Variants in ABCC4 observed in about 807,000 individuals in gnomAD.
ABCC4 encodes ATP binding cassette subfamily C member 4 (PEL blood group).
A neutral mutation model predicts 168.5 loss-of-function variants in ABCC4; 102 were observed. The observed-to-expected ratio is 0.61, with a 90% CI of 0.52 to 0.71. The LOEUF is 0.71. ABCC4 is among the 30% of genes least tolerant of loss of function. The pLI, the probability that ABCC4 is intolerant of heterozygous loss-of-function variation, is 0.00. For missense variants in ABCC4, 1,402 were observed against 1,605.8 expected (o/e 0.87, Z 2.17); for synonymous variants, 617 against 590.7 (o/e 1.04, Z -0.65).
At chr13:95,036,121 T>C (rs1249437437) in intron 29 of ABCC4, among the ~76,000 whole-genome samples, 2 of 152,174 alleles carry the variant, frequency 1.3e-5, no homozygotes, top group African/African-American at 4.8e-5. Flanking sequence ...TACTTAAGCA[T>C]AGCATTACAG....
chr13:95,120,797 T>G (rs1422562724), intron 19 of ABCC4, among the ~76,000 whole-genome samples: 3 of 152,106 alleles, frequency 2.0e-5, no homozygotes, highest in Non-Finnish European at 4.4e-5. Flanking sequence ...GTCGAGAGAA[T>G]TGACCTGTGC....
rs1051614406 is a variant in ABCC4, at chr13:95,177,894, G to C, written c.1641-101C>G. ...TGCCAACAGAATAACCCAAGAAGGT[G>C]CTTCACACAGGACGCAATACACAGT... is the stretch of plus-strand genomic sequence containing the variant. On this transcript the variant is annotated intron_variant, in intron 12 of 30. Transcript: ENST00000645237. 4 of 1,489,362 alleles carry C rather than the reference G, an allele frequency of 2.7e-6. No individual in the cohort carries two copies. The African/African-American group carries it at 5.5e-5, about 21-fold the overall frequency. 92.3% of individuals were successfully genotyped at this position (1,489,362 alleles called of 1,614,324 possible). A position where few individuals can be genotyped will look rare whatever the true frequency, so the allele number is the denominator to read the frequency against.
At chr13:95,124,810 G>A (rs112607576) in intron 19 of ABCC4, among the ~76,000 whole-genome samples, 7,866 of 150,048 alleles carry the variant, frequency 0.052, 240 homozygotes, top group Middle Eastern at 0.093. Flanking sequence ...CCTGGGAGGC[G>A]GAAGCTGCAG....
At chr13:95,208,911 C>T (rs528008100) in intron 6 of ABCC4, among the ~76,000 whole-genome samples, 2 of 152,152 alleles carry the variant, frequency 1.3e-5, no homozygotes, top group South Asian at 2.1e-4. Flanking sequence ...TCAGCCACCA[C>T]GACCAGCTAA....
chr13:95,178,082 G>C lies in ABCC4; in HGVS notation c.1555C>G (p.Leu519Val). Residue 519 changes from leucine (L) to valine (V), a missense_variant, in exon 12 of 31, where the codon CTG becomes GTG. Around this residue, in one of 3 missense-constraint regions of ABCC4, gnomAD observed 1,007 missense variants for 1,127.3 expected, o/e 0.89. Coordinates refer to ENST00000645237, the MANE Select transcript of ABCC4 (RefSeq NM_005845.5). Reference protein sequence around the residue: ...KACALKKDLQLLEDGDLTVIG... With the variant: ...KACALKKDLQVLEDGDLTVIG... ...ACAGTCAGATCACCATCCTCCAACA[G>C]CTGTAAATCCTGTATGGACAAAGGA... 1.9e-6 allele frequency: 3 copies of C among 1,614,050 alleles called. No homozygotes were observed. The highest frequency in any genetic ancestry group is 2.5e-6 in the Non-Finnish European group (3 of 1,179,910).
chr13:95,236,438 G>A (rs1490070389), intron 3 of ABCC4, among the ~76,000 whole-genome samples: 2 of 152,154 alleles, frequency 1.3e-5, no homozygotes, highest in East Asian at 3.8e-4. Flanking sequence ...TCTGAAGTGA[G>A]AGAAGAACAA....
chr13:95,116,359 C>A (rs970862511), intron 19 of ABCC4, among the ~76,000 whole-genome samples: 1 of 152,278 alleles, frequency 6.6e-6, no homozygotes, highest in East Asian at 1.9e-4. Context: ...GATGAACGTA[C>A]AGAAATTGAT....
chr13:95,163,717 C>G, intron 16 of ABCC4, 70 bp from the exon 17 acceptor site: 1 of 1,306,304 alleles, frequency 7.7e-7, no homozygotes, highest in Admixed American at 1.8e-5. Flanking sequence ...AACTCTCAAT[C>G]GCTAACATGG....
intron 30 of ABCC4, among the ~76,000 whole-genome samples, chr13:95,033,878 T>C (rs1022136145): frequency 1.3e-5 from 2 of 152,170 alleles, no homozygotes; most frequent in Non-Finnish European, 2.9e-5. Context: ...GTCAGGCTGG[T>C]CTCAGACTCC....
At chr13:95,147,897 T>G (rs752005229) in intron 19 of ABCC4, among the ~76,000 whole-genome samples, 2 of 152,104 alleles carry the variant, frequency 1.3e-5, no homozygotes, top group African/African-American at 2.4e-5. Flanking sequence ...TAAAACCAAA[T>G]TAAATTTAAA....
At chr13:95,245,911 C>T (rs905860302) in intron 3 of ABCC4, among the ~76,000 whole-genome samples, 3 of 113,242 alleles carry the variant, frequency 2.6e-5, no homozygotes, top group African/African-American at 9.3e-5. Context: ...CAAAATGCAC[C>T]GTGACAACTC....
intron 1 of ABCC4, among the ~76,000 whole-genome samples, chr13:95,249,080 A>C (rs2040190183): frequency 6.6e-6 from 1 of 151,868 alleles, no homozygotes; most frequent in South Asian, 2.1e-4. Flanking sequence ...ATTTAGCCAG[A>C]TGTACTGGTG....
intron 4 of ABCC4, among the ~76,000 whole-genome samples, chr13:95,219,745 C>T (rs1271219795): frequency 6.6e-6 from 1 of 152,178 alleles, no homozygotes; most frequent in Non-Finnish European, 1.5e-5. Flanking sequence ...TCTTGAACTC[C>T]TAGGCTCAAG....
intron 30 of ABCC4, among the ~76,000 whole-genome samples, chr13:95,033,228 C>T (rs973231086): frequency 1.3e-5 from 2 of 152,098 alleles, no homozygotes; most frequent in Non-Finnish European, 2.9e-5. Context: ...ATATTACACA[C>T]AAACAAGCAA....
intron 21 of ABCC4, among the ~76,000 whole-genome samples, chr13:95,076,037 C>T (rs1018845375): frequency 2.6e-5 from 4 of 152,250 alleles, no homozygotes; most frequent in African/African-American, 9.6e-5. Flanking sequence ...GCCATTGCAC[C>T]CTGGTAACTG....
chr13:95,225,079 C>T (rs773216043), intron 4 of ABCC4, among the ~76,000 whole-genome samples: 2 of 151,482 alleles, frequency 1.3e-5, no homozygotes, highest in South Asian at 2.1e-4. Context: ...CTCTCATAAC[C>T]GGAGATTTTA....
Position 95,163,607 on chromosome 13 carries a change from T to C in ABCC4, c.2213+3A>G, listed in dbSNP as rs2037168978. ...TTCATACATCAGACCAGAAATAACTTACCAGTATGAAAGCCACCAATCTTG... is the reference window on the plus strand; with the variant it reads ...TTCATACATCAGACCAGAAATAACTCACCAGTATGAAAGCCACCAATCTTG... On this transcript the variant is annotated splice_donor_region_variant and intron_variant, in intron 17 of 30. Coordinates refer to ENST00000645237, the MANE Select transcript of ABCC4 (RefSeq NM_005845.5). The C allele has an allele frequency of 1.2e-6, 2 of 1,611,324 alleles. No homozygotes were observed. Among genetic ancestry groups the C allele is most frequent in the Non-Finnish European group, 8.5e-7 (1 of 1,177,940 alleles).
chr13:95,079,454 G>A (rs1258311961), intron 21 of ABCC4, among the ~76,000 whole-genome samples: 7 of 152,172 alleles, frequency 4.6e-5, no homozygotes, highest in East Asian at 3.8e-4. Context: ...GGTAGTTCCC[G>A]TATGTTCAAG....
Position 95,223,647 on chromosome 13 carries a change from G to A in ABCC4, c.531+10963C>T, listed in dbSNP as rs557495522. Among the ~76,000 whole-genome samples, 171 of 152,070 alleles carry A rather than the reference G, an allele frequency of 1.1e-3. 1 individual carries two copies. Among genetic ancestry groups the A allele is most frequent in the Non-Finnish European group, 2.0e-3 (136 of 68,016 alleles). On this transcript the variant is annotated intron_variant, in intron 4 of 30. Coordinates refer to ENST00000645237, the MANE Select transcript of ABCC4 (RefSeq NM_005845.5). ...CTCCTGAGTAACTGGGATTACAGGCGTCCGCCACCACACCCAGCTAAATTT... is the reference window on the plus strand; with the variant it reads ...CTCCTGAGTAACTGGGATTACAGGCATCCGCCACCACACCCAGCTAAATTT...
Sources: gnomAD v4.1 joint callset for allele counts (sites outside exome capture counted in the v4.1 genomes callset) on GRCh38, gnomAD v4.1.1 for gene constraint, gnomAD v4.1.1 regional missense constraint, MANE v1.5 for transcripts, NCBI Gene and HGNC (gene_info 2026-07-23, HGNC 2026-07-21) for gene names.